Variants in DLGAP1 observed in about 807,000 individuals in gnomAD.
DLGAP1 encodes disks large-associated protein 1.
In DLGAP1, 11 loss-of-function variants were observed where a neutral mutation model predicts 90.8. That is an observed-to-expected ratio of 0.12 (90% CI 0.08 to 0.20). The LOEUF (loss-of-function observed/expected upper bound fraction) is 0.20. Among genes scored for constraint, DLGAP1 ranks in the 10% least tolerant of loss-of-function variants. The pLI is 1.00. For missense variants in DLGAP1, 1,050 were observed against 1,333.8 expected (o/e 0.79, Z 3.31); for synonymous variants, 558 against 540.7 (o/e 1.03, Z -0.44).
intron 1 of DLGAP1, among the ~76,000 whole-genome samples, chr18:4,239,732 C>A (rs2078492355): frequency 6.6e-6 from 1 of 152,118 alleles, no homozygotes; most frequent in Admixed American, 6.6e-5. Flanking sequence ...ATACAGGCCT[C>A]CTTAGTTGCC....
intron 4 of DLGAP1, among the ~76,000 whole-genome samples, chr18:3,856,368 A>T (rs978107678): frequency 1.3e-5 from 2 of 152,194 alleles, no homozygotes; most frequent in African/African-American, 2.4e-5. Context: ...CAGTCAAAAT[A>T]AGGTTGAATG....
rs1403489013 is a variant in DLGAP1, at chr18:3,749,109, CTCCTCCTCCTCCTCT to C, written c.1173-6612_1173-6598del. ...CCTATTCTGTCTTCTCCTTCTCCTT[CTCCTCCTCCTCCTCT>C]TCCTCCTCCTCCTTCTTCTTCTTCT... On this transcript the variant is annotated intron_variant, in intron 5 of 12. Transcript: ENST00000315677. 2.7e-5 allele frequency among the ~76,000 whole-genome samples: 4 copies of C among 150,178 alleles called. No homozygotes were observed. The East Asian group carries it at 5.9e-4, about 22-fold the overall frequency.
intron 7 of DLGAP1, among the ~76,000 whole-genome samples, chr18:3,664,210 ACACACACC>A (rs765479120): frequency 0.035 from 4,575 of 130,508 alleles, 161 homozygotes; most frequent in African/African-American, 0.1. Context: ...ACACACACAC[ACACACACC>A]CACACACACA....
intron 8 of DLGAP1, chr18:3,580,170 G>C: frequency 7.2e-7 from 1 of 1,385,716 alleles, no homozygotes; most frequent in Non-Finnish European, 1.0e-6. Flanking sequence ...AATACTTTCA[G>C]AAACCCTGAT....
chr18:3,580,609 G>A (rs1445693408), intron 8 of DLGAP1: 1 of 1,589,014 alleles, frequency 6.3e-7, no homozygotes, highest in Non-Finnish European at 8.6e-7. Flanking sequence ...AGAATGGACT[G>A]GAAGAATGTG....
chr18:3,549,809 G>C (rs2053276768), intron 9 of DLGAP1, among the ~76,000 whole-genome samples: 1 of 152,104 alleles, frequency 6.6e-6, no homozygotes, highest in Admixed American at 6.5e-5. Context: ...GCCAAATTGT[G>C]GGCCCCTTCC....
intron 1 of DLGAP1, among the ~76,000 whole-genome samples, chr18:4,273,893 CTCTCT>C (rs2079343463): frequency 7.1e-6 from 1 of 140,132 alleles, no homozygotes; most frequent in Non-Finnish European, 1.5e-5. Flanking sequence ...AATTTGTCTT[CTCTCT>C]TTTTTTTCTT....
Position 3,619,742 on chromosome 18 carries a change from CTTTT to C in DLGAP1, c.1592-37498_1592-37495del, listed in dbSNP as rs10625913. 5.1e-3 allele frequency among the ~76,000 whole-genome samples: 569 copies of C among 112,396 alleles called. 4 individuals carry two copies. The highest frequency in any genetic ancestry group is 0.018 in the African/African-American group (531 of 28,792). The allele number at this position is 112,396 out of a possible 152,430, so 73.7% of individuals were successfully genotyped here. On this transcript the variant is annotated intron_variant, in intron 7 of 12. Coordinates refer to ENST00000315677, the MANE Select transcript of DLGAP1 (RefSeq NM_004746.4). ...ATCCTGATGCTCTTTTAGTTTTTTC[CTTTT>C]TTTTTTTTTTTTTTGGTGGGAGATA...
intron 1 of DLGAP1, among the ~76,000 whole-genome samples, chr18:4,415,995 T>A (rs1202027930): frequency 1.3e-5 from 2 of 152,186 alleles, no homozygotes; most frequent in African/African-American, 2.4e-5. Flanking sequence ...CACAGTAGAA[T>A]ATAAAACTGC....
chr18:3,732,910 C>T (rs550930239), intron 6 of DLGAP1, among the ~76,000 whole-genome samples: 1 of 151,966 alleles, frequency 6.6e-6, no homozygotes, highest in Non-Finnish European at 1.5e-5. Flanking sequence ...GTTCTTAGGC[C>T]TTTTCAGTGA....
intron 9 of DLGAP1, among the ~76,000 whole-genome samples, chr18:3,542,037 T>C (rs561480707): frequency 9.2e-5 from 14 of 152,334 alleles, no homozygotes; most frequent in Admixed American, 2.0e-4. Flanking sequence ...ACAGATCTAC[T>C]GGAATGGTAG....
chr18:4,030,054 G>A (rs1189063935), intron 2 of DLGAP1, among the ~76,000 whole-genome samples: 8 of 152,100 alleles, frequency 5.3e-5, no homozygotes, highest in South Asian at 4.1e-4. Context: ...GAGCAGTGGC[G>A]CGATCTCGGC....
At chr18:3,550,517 C>A (rs2053328111) in intron 9 of DLGAP1, among the ~76,000 whole-genome samples, 1 of 152,126 alleles carries the variant, frequency 6.6e-6, no homozygotes, top group Admixed American at 6.6e-5. Context: ...TGAACCACTG[C>A]ACCTGGCCTT....
chr18:3,687,177 A>T lies in DLGAP1; in HGVS notation c.1591+41958T>A, dbSNP rs116504185. ...GTGAGACCTGTATCGGACTTCTGAC[A>T]TTTCAGAATTCCAAGATGATAAATA... On this transcript the variant is annotated intron_variant, in intron 7 of 12. Coordinates refer to ENST00000315677, the MANE Select transcript of DLGAP1 (RefSeq NM_004746.4). Among the ~76,000 whole-genome samples the T allele has an allele frequency of 9.3e-3, 1,414 of 152,354 alleles. 31 individuals are homozygous for T. The highest frequency in any genetic ancestry group is 0.032 in the African/African-American group (1,335 of 41,580).
intron 4 of DLGAP1, chr18:3,845,163 A>G: frequency 6.4e-7 from 1 of 1,572,598 alleles, no homozygotes; most frequent in Admixed American, 1.7e-5. Flanking sequence ...ATGATAGATT[A>G]GCACAGAAAT....
At chr18:4,094,580 TCTTC>T (rs781059589) in intron 2 of DLGAP1, among the ~76,000 whole-genome samples, 148 of 151,202 alleles carry the variant, frequency 9.8e-4, no homozygotes, top group African/African-American at 3.0e-3. Flanking sequence ...ATATATTTTA[TCTTC>T]CTTCCTTCCT....
chr18:4,414,712 C>A (rs1292461078), intron 1 of DLGAP1, among the ~76,000 whole-genome samples: 4 of 104,412 alleles, frequency 3.8e-5, no homozygotes, highest in African/African-American at 5.9e-5. Flanking sequence ...GGCAACAGAG[C>A]AAGACTCTGT....
intron 1 of DLGAP1, among the ~76,000 whole-genome samples, chr18:4,375,462 A>G (rs571313681): frequency 3.3e-5 from 5 of 152,156 alleles, no homozygotes; most frequent in African/African-American, 4.8e-5. Flanking sequence ...CCACAACAAT[A>G]TATAGCTCCA....
chr18:3,745,879 G>A (rs1391440938), intron 5 of DLGAP1, among the ~76,000 whole-genome samples: 1 of 151,970 alleles, frequency 6.6e-6, no homozygotes, highest in Admixed American at 6.6e-5. Flanking sequence ...TGTAGAGAAG[G>A]GGTTACACCA....
Sources: gnomAD v4.1 joint callset for allele counts (sites outside exome capture counted in the v4.1 genomes callset) on GRCh38, gnomAD v4.1.1 for gene constraint, MANE v1.5 for transcripts, NCBI Gene and HGNC (gene_info 2026-07-23, HGNC 2026-07-21) for gene names.